SDCCAG8: variants seen among roughly 807,000 people sequenced by gnomAD.
SDCCAG8 encodes the protein serologically defined colon cancer antigen 8.
Under a neutral mutation model 101.8 loss-of-function variants are expected in SDCCAG8, and 74 were observed. That is an observed-to-expected ratio of 0.73 (90% CI 0.60 to 0.88). The LOEUF (loss-of-function observed/expected upper bound fraction) is 0.88. SDCCAG8 is among the 40% of genes least tolerant of loss of function. SDCCAG8 has a pLI of 0.00. For missense variants in SDCCAG8, 787 were observed against 822.6 expected (o/e 0.96, Z 0.53); for synonymous variants, 281 against 292.9 (o/e 0.96, Z 0.41).
chr1:243,376,662 T>C (rs773001624), intron 12 of SDCCAG8, among the ~76,000 whole-genome samples: 4 of 152,198 alleles, frequency 2.6e-5, no homozygotes, highest in Non-Finnish European at 5.9e-5. Context: ...TCCGGAGTAA[T>C]CTTTGGTCTT....
At chr1:243,463,053 C>A (rs1558503201) in intron 16 of SDCCAG8, among the ~76,000 whole-genome samples, 1 of 152,204 alleles carries the variant, frequency 6.6e-6, no homozygotes, top group Non-Finnish European at 1.5e-5. Context: ...CCAATAGGAG[C>A]TTTCAAAACA....
chr1:243,469,672 C>G (rs1416953390), intron 16 of SDCCAG8, among the ~76,000 whole-genome samples: 1 of 152,116 alleles, frequency 6.6e-6, no homozygotes, highest in Non-Finnish European at 1.5e-5. Context: ...TCACAGTGAT[C>G]TGCTCAGATT....
intron 16 of SDCCAG8, among the ~76,000 whole-genome samples, chr1:243,466,280 A>T (rs148557559): frequency 1.3e-5 from 2 of 152,200 alleles, no homozygotes; most frequent in African/African-American, 4.8e-5. Flanking sequence ...TAGGAGAAGT[A>T]TTGTTAAAAT....
At chr1:243,394,808 C>T (rs969521625) in intron 13 of SDCCAG8, among the ~76,000 whole-genome samples, 11 of 151,228 alleles carry the variant, frequency 7.3e-5, no homozygotes, top group African/African-American at 1.7e-4. Context: ...CTTTACTCTT[C>T]GGTAGTGTAA....
At chr1:243,491,074 A>C (rs1244776348) in intron 17 of SDCCAG8, among the ~76,000 whole-genome samples, 1 of 152,222 alleles carries the variant, frequency 6.6e-6, no homozygotes, top group Non-Finnish European at 1.5e-5. Context: ...CTTCCGTGGA[A>C]GCTGGAGCAC....
At chr1:243,330,432 T>C (rs554670057) in intron 9 of SDCCAG8, 108 bp from the exon 10 acceptor site, 1 of 1,080,738 alleles carries the variant, frequency 9.3e-7, no homozygotes, top group East Asian at 2.6e-5. Context: ...TAATGGGCTT[T>C]ATAGTGAGTT....
intron 1 of SDCCAG8, among the ~76,000 whole-genome samples, chr1:243,268,274 G>A (rs2067794378): frequency 6.6e-6 from 1 of 152,150 alleles, no homozygotes; most frequent in Non-Finnish European, 1.5e-5. Context: ...TAAATCTAAA[G>A]CTCCATGAAC....
intron 13 of SDCCAG8, among the ~76,000 whole-genome samples, chr1:243,381,589 TAA>T (rs779677193): frequency 1.4e-5 from 2 of 143,758 alleles, no homozygotes; most frequent in African/African-American, 5.1e-5. Flanking sequence ...ACCCTGTCTC[TAA>T]AAAAAAAAAA....
At chr1:243,272,937 A>G (rs1182605241) in intron 3 of SDCCAG8, among the ~76,000 whole-genome samples, 1 of 152,230 alleles carries the variant, frequency 6.6e-6, no homozygotes, top group Non-Finnish European at 1.5e-5. Context: ...AGATATCTAA[A>G]CTAAAGCCCT....
At position 243,499,987 on chromosome 1, in the gene SDCCAG8, C is replaced by CT. The variant is rs1669095684; in HGVS notation, c.*203dup. On this transcript the variant is annotated 3_prime_UTR_variant, in exon 18 of 18. Coordinates refer to ENST00000366541, the MANE Select transcript of SDCCAG8 (RefSeq NM_006642.5). Reference sequence around the variant, plus strand: ...GGAGTCTGACTCTAGCTGAGCAGAGCTCCTGGTGTATGTTTTCAGAAATGG... The same window carrying CT: ...GGAGTCTGACTCTAGCTGAGCAGAGCTTCCTGGTGTATGTTTTCAGAAATGG... The CT allele has an allele frequency of 3.3e-6, 2 of 613,154 alleles. No individual in the cohort carries two copies. Among genetic ancestry groups the CT allele is most frequent in the South Asian group, 3.9e-5 (2 of 50,744 alleles). The allele number at this position is 613,154 out of a possible 1,614,324, so 38.0% of individuals were successfully genotyped here. A position where few individuals can be genotyped will look rare whatever the true frequency, so the allele number is the denominator to read the frequency against.
At chr1:243,355,934 A>G (rs1037360110) in intron 12 of SDCCAG8, among the ~76,000 whole-genome samples, 1 of 152,130 alleles carries the variant, frequency 6.6e-6, no homozygotes, top group Non-Finnish European at 1.5e-5. Context: ...GCTTGCTTAG[A>G]ATGTTCTGCA....
intron 1 of SDCCAG8, among the ~76,000 whole-genome samples, chr1:243,266,853 G>GA (rs2067639774): frequency 1.4e-5 from 2 of 147,472 alleles, no homozygotes; most frequent in South Asian, 4.3e-4. Context: ...TGAGGAAGGA[G>GA]AACCATCTGA....
chr1:243,306,260 T>A (rs1183834824), intron 7 of SDCCAG8: 1 of 152,110 alleles, frequency 6.6e-6, no homozygotes, highest in African/African-American at 2.4e-5. Flanking sequence ...AATACTCTAA[T>A]TTTTGCTTTC....
At chr1:243,480,725 G>A (rs1298457519) in intron 16 of SDCCAG8, among the ~76,000 whole-genome samples, 9 of 114,628 alleles carry the variant, frequency 7.9e-5, no homozygotes, top group African/African-American at 2.5e-4. Context: ...GGATGGGTGG[G>A]ATGGATGAAT....
chr1:243,424,299 A>G (rs1180764930), intron 15 of SDCCAG8, among the ~76,000 whole-genome samples: 1 of 151,958 alleles, frequency 6.6e-6, no homozygotes, highest in Non-Finnish European at 1.5e-5. Context: ...TTCCTTCCAC[A>G]CACAACCTCC....
chr1:243,430,086 G>A (rs543898206), intron 16 of SDCCAG8, among the ~76,000 whole-genome samples: 1 of 151,924 alleles, frequency 6.6e-6, no homozygotes, highest in Non-Finnish European at 1.5e-5. Flanking sequence ...CTCCCGCCTC[G>A]GCCTTCCAAA....
chr1:243,355,252 A>G (rs557309871), intron 12 of SDCCAG8, among the ~76,000 whole-genome samples: 1 of 152,124 alleles, frequency 6.6e-6, no homozygotes, highest in Non-Finnish European at 1.5e-5. Context: ...GGAGTTTCCT[A>G]TAGGAATGGA....
chr1:243,291,289 G>A lies in SDCCAG8; in HGVS notation c.547-1802G>A, dbSNP rs188785317. ...GCTTACTACATTGAATGTTGAGAGG[G>A]TGACAGAGGTTGCAACTAACAATGG... On this transcript the variant is annotated intron_variant, in intron 5 of 17. Transcript: ENST00000366541. Among the ~76,000 whole-genome samples the A allele has an allele frequency of 1.4e-3, 212 of 152,320 alleles. 1 individual carries two copies. Among genetic ancestry groups the A allele is most frequent in the African/African-American group, 4.7e-3 (197 of 41,562 alleles).
chr1:243,266,725 G>A (rs574300113), intron 1 of SDCCAG8, among the ~76,000 whole-genome samples: 14 of 139,170 alleles, frequency 1.0e-4, no homozygotes, highest in African/African-American at 3.7e-4. Context: ...GGAGGCCGAG[G>A]TGTATTTTTC....
Sources: allele counts gnomAD v4.1 joint callset (sites outside exome capture counted in the v4.1 genomes callset), GRCh38; gene constraint gnomAD v4.1.1; transcripts MANE v1.5; gene names NCBI Gene and HGNC (gene_info 2026-07-23, HGNC 2026-07-21).